The following DIP2B variants were observed in gnomAD, a reference collection of about 807,000 sequenced individuals.
DIP2B encodes the protein DIP2 acetate--CoA ligase B (putative).
A neutral mutation model predicts 198.0 loss-of-function variants in DIP2B; 76 were observed. That is an observed-to-expected ratio of 0.38 (90% CI 0.32 to 0.46). The LOEUF is 0.46. Ranked by LOEUF, DIP2B falls within the 20% of genes least tolerant of loss-of-function variation. DIP2B has a pLI of 0.99. For synonymous variants in DIP2B, 701 were observed against 739.1 expected, an observed-to-expected ratio of 0.95 and a Z score of 0.84; for missense variants, 1,559 against 1,978.4, an observed-to-expected ratio of 0.79 and a Z score of 4.02.
At chr12:50,646,133 A>AT (rs1938345766) in intron 3 of DIP2B, among the ~76,000 whole-genome samples, 1 of 151,456 alleles carries the variant, frequency 6.6e-6, no homozygotes, top group African/African-American at 2.4e-5. Flanking sequence ...ATTTTATTTT[A>AT]TTTTTTTTGA....
At chr12:50,742,055 CT>C (rs1420408291) in intron 37 of DIP2B, among the ~76,000 whole-genome samples, 3 of 152,058 alleles carry the variant, frequency 2.0e-5, no homozygotes, top group Admixed American at 6.5e-5. Context: ...TACATTTTCC[CT>C]GATAAAGGAT....
At chr12:50,643,265 T>C (rs1046926124) in intron 3 of DIP2B, among the ~76,000 whole-genome samples, 7 of 152,296 alleles carry the variant, frequency 4.6e-5, no homozygotes, top group African/African-American at 1.7e-4. Context: ...TTTTGCACCA[T>C]TGCTTTTTGA....
chr12:50,608,529 G>T (rs1959003589), intron 1 of DIP2B, among the ~76,000 whole-genome samples: 2 of 151,842 alleles, frequency 1.3e-5, no homozygotes, highest in South Asian at 4.2e-4. Context: ...TGGAGGCTGA[G>T]GCAGGAGAAT....
chr12:50,648,406 C>T (rs879874177), intron 3 of DIP2B, among the ~76,000 whole-genome samples: 1 of 152,078 alleles, frequency 6.6e-6, no homozygotes, highest in Non-Finnish European at 1.5e-5. Flanking sequence ...CTCTGTTGCC[C>T]AGGCTGGAGT....
chr12:50,660,448 C>T, intron 4 of DIP2B, 129 bp downstream of exon 4: 1 of 1,062,332 alleles, frequency 9.4e-7, no homozygotes, highest in Non-Finnish European at 1.3e-6. Context: ...TAAGAGAACA[C>T]TCTGAGGTGG....
rs80156695 is a variant in DIP2B at position 50,693,151 on chromosome 12, A to G, written c.1719+138A>G. The G allele has an allele frequency of 2.7e-3, 2,036 of 754,164 alleles. 16 individuals are homozygous for G. Among genetic ancestry groups the G allele is most frequent in the African/African-American group, 0.022 (1,234 of 56,004 alleles). 46.7% of individuals were successfully genotyped at this position (754,164 alleles called of 1,614,324 possible). A position where few individuals can be genotyped will look rare whatever the true frequency, so the allele number is the denominator to read the frequency against. On this transcript the variant is annotated intron_variant, in intron 14 of 37. Transcript: ENST00000301180. ...GTCAGTAATATTTTCCAGAGGCTATATAACCTTTCCACTGGACAGAATGTT... is the reference window on the plus strand; with the variant it reads ...GTCAGTAATATTTTCCAGAGGCTATGTAACCTTTCCACTGGACAGAATGTT...
chr12:50,545,605 C>G (rs1400049039), intron 1 of DIP2B, among the ~76,000 whole-genome samples: 1 of 151,732 alleles, frequency 6.6e-6, no homozygotes, highest in Admixed American at 6.6e-5. Flanking sequence ...TTGAGCTCCT[C>G]TGCTGAAGAT....
chr12:50,549,942 G>A (rs1958412780), intron 1 of DIP2B, among the ~76,000 whole-genome samples: 1 of 151,906 alleles, frequency 6.6e-6, no homozygotes, highest in African/African-American at 2.4e-5. Context: ...TAACAATCAA[G>A]GTACCTAGTT....
intron 1 of DIP2B, among the ~76,000 whole-genome samples, chr12:50,596,739 T>A (rs1429379805): frequency 6.6e-6 from 1 of 152,094 alleles, no homozygotes; most frequent in Non-Finnish European, 1.5e-5. Context: ...TAACCCAGTC[T>A]CTAAATAAAT....
intron 26 of DIP2B, 77 bp from the exon 27 acceptor site, chr12:50,723,125 T>C: frequency 6.3e-7 from 1 of 1,575,070 alleles, no homozygotes; most frequent in Non-Finnish European, 8.6e-7. Flanking sequence ...TTAATTGTTT[T>C]GGAAAATTTG....
At chr12:50,572,013 C>T (rs967045956) in intron 1 of DIP2B, among the ~76,000 whole-genome samples, 2 of 152,140 alleles carry the variant, frequency 1.3e-5, no homozygotes, top group Admixed American at 6.5e-5. Flanking sequence ...ACAGCATTGC[C>T]GAAGCCTTCT....
chr12:50,535,394 A>C lies in DIP2B; in HGVS notation c.100+30154A>C, dbSNP rs1593587624. Among the ~76,000 whole-genome samples the C allele has an allele frequency of 2.8e-5, 4 of 144,668 alleles. No individual in the cohort carries two copies. In the South Asian group the frequency reaches 8.6e-4, roughly 31 times the overall value. The allele number at this position is 144,668 out of a possible 152,430, so 94.9% of individuals were successfully genotyped here. On this transcript the variant is annotated intron_variant, in intron 1 of 37. Transcript: ENST00000301180. Reference sequence around the variant, plus strand: ...TTTTTTTTTTTTTTTTTTGAAACAGAGTCTCGCTGTCACCCAGGCTGGAGT... The same window carrying C: ...TTTTTTTTTTTTTTTTTTGAAACAGCGTCTCGCTGTCACCCAGGCTGGAGT...
intron 1 of DIP2B, among the ~76,000 whole-genome samples, chr12:50,595,214 T>C (rs2139435019): frequency 6.6e-6 from 1 of 152,346 alleles, no homozygotes; most frequent in Admixed American, 6.5e-5. Flanking sequence ...AAGCTAGTCG[T>C]GCACACAGTC....
chr12:50,614,634 A>G (rs1937661022), intron 1 of DIP2B, among the ~76,000 whole-genome samples: 1 of 152,188 alleles, frequency 6.6e-6, no homozygotes, highest in African/African-American at 2.4e-5. Flanking sequence ...AGATGAAGAG[A>G]CTGAGGCCCA....
chr12:50,664,931 C>T (rs1296487590), intron 4 of DIP2B, among the ~76,000 whole-genome samples: 1 of 138,902 alleles, frequency 7.2e-6, no homozygotes, highest in Non-Finnish European at 1.5e-5. Context: ...TCACTGCAGT[C>T]TCAAACTCCC....
intron 1 of DIP2B, among the ~76,000 whole-genome samples, chr12:50,608,863 C>T (rs1035870592): frequency 2.6e-5 from 4 of 152,020 alleles, no homozygotes; most frequent in East Asian, 1.9e-4. Flanking sequence ...ATTTATTAGC[C>T]GGGCATGGTG....
intron 3 of DIP2B, among the ~76,000 whole-genome samples, chr12:50,644,186 G>T (rs555931873): frequency 6.6e-6 from 1 of 152,258 alleles, no homozygotes; most frequent in Admixed American, 6.5e-5. Flanking sequence ...AGCCAAGAGG[G>T]AGCTTAATTT....
Position 50,695,256 on chromosome 12 carries a change from T to G in DIP2B, c.1720-11T>G. The G allele has an allele frequency of 6.2e-7, 1 of 1,608,430 alleles. No individual in the cohort carries two copies. The highest frequency in any genetic ancestry group is 8.5e-7 in the Non-Finnish European group (1 of 1,176,784). ...TGTATTGATTACTTTTCTTCTTTCT[T>G]TGTTTTTCAGAATGTAATGAATAAG... On this transcript the variant is annotated splice_polypyrimidine_tract_variant and intron_variant, in intron 14 of 37. Coordinates refer to ENST00000301180, the MANE Select transcript of DIP2B (RefSeq NM_173602.3).
At chr12:50,697,011 TA>T in intron 16 of DIP2B, 49 bp from the exon 17 acceptor site, 1 of 1,388,288 alleles carries the variant, frequency 7.2e-7, no homozygotes, top group Non-Finnish European at 1.0e-6. Flanking sequence ...TTTCCTACAG[TA>T]ATGAAAAGCA....
Sources: allele counts gnomAD v4.1 joint callset (sites outside exome capture counted in the v4.1 genomes callset), GRCh38; gene constraint gnomAD v4.1.1; transcripts MANE v1.5; gene names NCBI Gene and HGNC (gene_info 2026-07-23, HGNC 2026-07-21).